The following CIT variants were observed in gnomAD, a reference collection of about 807,000 sequenced individuals.
CIT encodes the protein citron Rho-interacting kinase.
A neutral mutation model predicts 272.7 loss-of-function variants in CIT; 79 were observed. The observed-to-expected ratio is 0.29, with a 90% confidence interval of 0.24 to 0.35. The LOEUF (loss-of-function observed/expected upper bound fraction) is 0.35. CIT is among the 10% of genes least tolerant of loss of function. The pLI, the probability that CIT is intolerant of heterozygous loss-of-function variation, is 1.00. For missense variants in CIT, 1,909 were observed against 2,618.3 expected, an observed-to-expected ratio of 0.73 and a Z score of 5.91; for synonymous variants, 948 against 995.6, an observed-to-expected ratio of 0.95 and a Z score of 0.90.
chr12:119,689,666 CTTTTTTTTTTT>C lies in CIT; in HGVS notation c.6186+474_6186+484del, dbSNP rs531946559. The stretch of plus-strand genomic sequence containing the variant: ...ACGTTATCCATTTGCTTAGGAAGCT[CTTTTTTTTTTT>C]TTTTTTTTTTTTTTTTTTAAGACAG... On this transcript the variant is annotated intron_variant, in intron 47 of 47. Transcript: ENST00000392521. 1.7e-4 allele frequency among the ~76,000 whole-genome samples: 13 copies of C among 75,096 alleles called. 1 individual carries two copies. In the South Asian group the frequency reaches 2.0e-3, roughly 12 times the overall value. The allele number at this position is 75,096 out of a possible 152,430, so 49.3% of individuals were successfully genotyped here.
At chr12:119,837,450 A>T (rs1969090790) in intron 5 of CIT, among the ~76,000 whole-genome samples, 1 of 152,232 alleles carries the variant, frequency 6.6e-6, no homozygotes, top group African/African-American at 2.4e-5. Context: ...AGGTTCCAAA[A>T]GCATCATCTA....
At position 119,770,806 on chromosome 12, in the gene CIT, C is replaced by T. The variant is rs56315024; in HGVS notation, c.2187G>A (p.Gln729=). The part of the protein sequence containing the change: ...DDIQTKSQQI[Q]QMADKILELE... ...TCACCAGAATTTTATCAGCCATCTG[C>T]TGGATCTGTTGGGATTTTGTCTGGA... Residue 729 remains glutamine, a synonymous_variant, in exon 18 of 48, where the codon CAG becomes CAA. Transcript: ENST00000392521. This position sits in a 1 kb window ranked among gnomAD's most constrained non-coding sequence, Gnocchi z 4.4. The T allele has an allele frequency of 4.0e-3, 6,447 of 1,612,864 alleles. 223 individuals carry two copies. In the African/African-American group the frequency reaches 0.078, roughly 19 times the overall value.
intron 22 of CIT, among the ~76,000 whole-genome samples, chr12:119,755,911 C>G (rs1960917194): frequency 6.6e-6 from 1 of 152,212 alleles, no homozygotes; most frequent in African/African-American, 2.4e-5. Context: ...CATTATGAGA[C>G]AGACCTCTGC....
intron 4 of CIT, among the ~76,000 whole-genome samples, chr12:119,855,721 C>T (rs1246022628): frequency 1.3e-5 from 2 of 152,120 alleles, no homozygotes; most frequent in Admixed American, 1.3e-4. Context: ...TTTATAAGCC[C>T]CCAGCCCACA....
chr12:119,765,087 C>T (rs1163232130), intron 19 of CIT, among the ~76,000 whole-genome samples: 4 of 152,056 alleles, frequency 2.6e-5, no homozygotes, highest in African/African-American at 9.6e-5. Flanking sequence ...GGATTACAGG[C>T]GTGAACCACC....
intron 4 of CIT, among the ~76,000 whole-genome samples, chr12:119,852,431 G>A (rs1395715616): frequency 6.6e-6 from 1 of 151,860 alleles, no homozygotes; most frequent in Admixed American, 6.6e-5. Flanking sequence ...GACATTATGG[G>A]AGCCAGGTGT....
intron 1 of CIT, among the ~76,000 whole-genome samples, chr12:119,877,031 C>A (rs1950872121): frequency 6.6e-6 from 1 of 152,208 alleles, no homozygotes; most frequent in South Asian, 2.1e-4. Flanking sequence ...AAGCCTCCTG[C>A]CCCAGCACCA....
At chr12:119,845,874 G>T (rs1400594167) in intron 5 of CIT, among the ~76,000 whole-genome samples, 2 of 151,468 alleles carry the variant, frequency 1.3e-5, no homozygotes, top group Admixed American at 1.3e-4. Flanking sequence ...CCGGGAGGCA[G>T]AGGTTGCAGT....
At chr12:119,833,309 A>G (rs1473148092) in intron 6 of CIT, among the ~76,000 whole-genome samples, 1 of 152,162 alleles carries the variant, frequency 6.6e-6, no homozygotes, top group Non-Finnish European at 1.5e-5. Flanking sequence ...TTGTATTCCC[A>G]CAACATTCTC....
chr12:119,707,153 G>A (rs576271883), intron 40 of CIT, among the ~76,000 whole-genome samples: 4 of 152,032 alleles, frequency 2.6e-5, no homozygotes, highest in South Asian at 4.2e-4. Context: ...TTTTTTTTAA[G>A]GTTCATCTCT....
intron 30 of CIT, among the ~76,000 whole-genome samples, chr12:119,719,379 GA>G (rs1018133298): frequency 6.0e-5 from 9 of 150,332 alleles, no homozygotes; most frequent in Non-Finnish European, 1.3e-4. Flanking sequence ...ACTATACATG[GA>G]AAAAAAAGGA....
At chr12:119,762,554 C>A (rs1229980641) in intron 19 of CIT, among the ~76,000 whole-genome samples, 1 of 152,194 alleles carries the variant, frequency 6.6e-6, no homozygotes, top group African/African-American at 2.4e-5. Context: ...AAACAAATTT[C>A]TTTCCATCTA....
chr12:119,809,920 A>G (rs1966799483), intron 9 of CIT, among the ~76,000 whole-genome samples: 1 of 152,242 alleles, frequency 6.6e-6, no homozygotes, highest in Non-Finnish European at 1.5e-5. Flanking sequence ...GGATAGCTGA[A>G]CACGTGGAGG....
At chr12:119,745,230 A>G (rs1453662463) in intron 23 of CIT, among the ~76,000 whole-genome samples, 1 of 150,712 alleles carries the variant, frequency 6.6e-6, no homozygotes, top group Non-Finnish European at 1.5e-5. Flanking sequence ...AAACAGCCAG[A>G]GAAAAATACA....
At chr12:119,735,038 T>A in intron 25 of CIT, 122 bp downstream of exon 25, 1 of 872,420 alleles carries the variant, frequency 1.1e-6, no homozygotes, top group Non-Finnish European at 1.8e-6. Context: ...GACATGATTT[T>A]AAAAAGAGCC....
At chr12:119,806,485 T>G (rs990123916) in intron 9 of CIT, among the ~76,000 whole-genome samples, 1 of 152,118 alleles carries the variant, frequency 6.6e-6, no homozygotes, top group African/African-American at 2.4e-5. Flanking sequence ...ATTTACAGTA[T>G]CCTGTTACAA....
chr12:119,820,495 A>G (rs1377706818), intron 9 of CIT, among the ~76,000 whole-genome samples: 3 of 152,184 alleles, frequency 2.0e-5, no homozygotes, highest in South Asian at 2.1e-4. Flanking sequence ...GGTTGCAGTG[A>G]GCCGAGATCG....
chr12:119,710,726 C>A lies in CIT; in HGVS notation c.4855-106G>T. Reference sequence around the variant, plus strand: ...AGAGAAGGTTAAGGCCAAGTTATTCCTGGAAATGCTCAGAAACGCACATAT... The same window carrying A: ...AGAGAAGGTTAAGGCCAAGTTATTCATGGAAATGCTCAGAAACGCACATAT... On this transcript the variant is annotated intron_variant, in intron 37 of 47. Transcript: ENST00000392521. This position sits in a 1 kb window ranked among gnomAD's most constrained non-coding sequence, Gnocchi z 5.6. 9.2e-7 allele frequency: 1 copy of A among 1,084,610 alleles called. No homozygotes were observed. Among genetic ancestry groups the A allele is most frequent in the South Asian group, 1.3e-5 (1 of 77,006 alleles). 67.2% of individuals were successfully genotyped at this position (1,084,610 alleles called of 1,614,324 possible).
intron 26 of CIT, 112 bp downstream of exon 26, chr12:119,734,052 C>A: frequency 3.3e-6 from 4 of 1,197,688 alleles, no homozygotes; most frequent in Non-Finnish European, 3.5e-6. Context: ...AGGCTTGTGA[C>A]CCAGGAAACT....
Sources: gnomAD v4.1 joint callset for allele counts (sites outside exome capture counted in the v4.1 genomes callset) on GRCh38, gnomAD v4.1.1 for gene constraint, Gnocchi (gnomAD v3.1) non-coding constraint, MANE v1.5 for transcripts, NCBI Gene and HGNC (gene_info 2026-07-23, HGNC 2026-07-21) for gene names.